SLC9A9: variants seen among roughly 807,000 people sequenced by gnomAD.
The protein encoded by SLC9A9 is sodium/hydrogen exchanger 9.
SLC9A9 carries 62 observed loss-of-function variants against 77.8 expected under a neutral mutation model. The ratio of observed to expected loss-of-function variants is 0.80; its 90% confidence interval spans 0.65 to 0.98. The LOEUF (loss-of-function observed/expected upper bound fraction) is 0.98, where lower values mean the gene tolerates loss of function less well. Among genes scored for constraint, SLC9A9 ranks in the 50% least tolerant of loss-of-function variants. The probability of loss-of-function intolerance (pLI) is 0.00; values close to 1 mark genes in which losing one functional copy is unlikely to be tolerated. For synonymous variants in SLC9A9, 320 were observed against 283.5 expected (o/e 1.13, Z -1.29); for missense variants, 775 against 774.9 (o/e 1.00, Z 0.00).
chr3:143,807,923 C>G lies in SLC9A9; in HGVS notation c.379-11020G>C, dbSNP rs146279251. Among the ~76,000 whole-genome samples, 655 of 152,206 alleles carry G rather than the reference C, an allele frequency of 4.3e-3. 8 individuals are homozygous for G. Among genetic ancestry groups the G allele is most frequent in the African/African-American group, 0.014 (565 of 41,500 alleles). On this transcript the variant is annotated intron_variant, in intron 2 of 15. Transcript: ENST00000316549. ...AAATGGAGAAGGTGCCGGTAGAGGGCTGGGCGGGGATGAGAGACCATCTCG... is the reference window on the plus strand; with the variant it reads ...AAATGGAGAAGGTGCCGGTAGAGGGGTGGGCGGGGATGAGAGACCATCTCG...
At chr3:143,672,935 A>G (rs1281664088) in intron 5 of SLC9A9, among the ~76,000 whole-genome samples, 1 of 152,134 alleles carries the variant, frequency 6.6e-6, no homozygotes, top group Non-Finnish European at 1.5e-5. Flanking sequence ...CTCACACATC[A>G]CCTGAGCAGC....
chr3:143,583,546 G>A (rs2037491627), intron 6 of SLC9A9, among the ~76,000 whole-genome samples: 2 of 152,188 alleles, frequency 1.3e-5, no homozygotes, highest in Non-Finnish European at 2.9e-5. Context: ...CTGGGTGTAA[G>A]TCTCAGCTTA....
chr3:143,552,077 T>A (rs2036898443), intron 9 of SLC9A9, among the ~76,000 whole-genome samples: 1 of 152,236 alleles, frequency 6.6e-6, no homozygotes, highest in South Asian at 2.1e-4. Context: ...TGTAAGTGAC[T>A]GTGAATTATT....
chr3:143,695,835 T>A (rs1478126597), intron 4 of SLC9A9, among the ~76,000 whole-genome samples: 2 of 152,192 alleles, frequency 1.3e-5, no homozygotes, highest in Non-Finnish European at 2.9e-5. Flanking sequence ...GACTTTTTAA[T>A]GATTGCCATT....
At chr3:143,783,447 G>A (rs1054511886) in intron 4 of SLC9A9, among the ~76,000 whole-genome samples, 2 of 152,062 alleles carry the variant, frequency 1.3e-5, no homozygotes, top group Non-Finnish European at 1.5e-5. Context: ...CCCCAGAGGC[G>A]TCTCCTGGCC....
At position 143,841,840 on chromosome 3, in the gene SLC9A9, G is replaced by A. The variant is rs560055831; in HGVS notation, c.175+6308C>T. On this transcript the variant is annotated intron_variant, in intron 1 of 15. Coordinates refer to ENST00000316549, the MANE Select transcript of SLC9A9 (RefSeq NM_173653.4). ...GCAATCTCGGCTCACTGCAACCTCC[G>A]CATCCTGAGTTCAAGCAATTCTCCT... Among the ~76,000 whole-genome samples the A allele has an allele frequency of 6.7e-5, 10 of 149,584 alleles. No homozygotes were observed. In the South Asian group the frequency reaches 1.7e-3, roughly 25 times the overall value.
At chr3:143,742,213 C>G (rs558528716) in intron 4 of SLC9A9, among the ~76,000 whole-genome samples, 2 of 152,098 alleles carry the variant, frequency 1.3e-5, no homozygotes, top group Admixed American at 1.3e-4. Context: ...GAAGACAGTT[C>G]GAACTCCCTA....
intron 4 of SLC9A9, among the ~76,000 whole-genome samples, chr3:143,771,325 C>A (rs1250408159): frequency 6.6e-6 from 1 of 152,120 alleles, no homozygotes; most frequent in African/African-American, 2.4e-5. Flanking sequence ...TGCAGTTATT[C>A]ATTGTGATAT....
chr3:143,716,369 T>G (rs1344309928), intron 4 of SLC9A9, among the ~76,000 whole-genome samples: 1 of 146,198 alleles, frequency 6.8e-6, no homozygotes, highest in Non-Finnish European at 1.5e-5. Context: ...CCACTGCACC[T>G]GGCTTTTTTT....
chr3:143,676,961 A>C (rs1237092617), intron 5 of SLC9A9, among the ~76,000 whole-genome samples: 2 of 152,082 alleles, frequency 1.3e-5, no homozygotes, highest in Admixed American at 1.3e-4. Flanking sequence ...GTAAAAAGAG[A>C]CTTCCCTAGA....
intron 12 of SLC9A9, among the ~76,000 whole-genome samples, chr3:143,421,358 A>T (rs917084712): frequency 6.6e-6 from 1 of 152,194 alleles, no homozygotes; most frequent in Non-Finnish European, 1.5e-5. Context: ...ATTGTCTCAC[A>T]TGAAACTATA....
At chr3:143,584,600 T>C (rs530649548) in intron 6 of SLC9A9, among the ~76,000 whole-genome samples, 1 of 152,198 alleles carries the variant, frequency 6.6e-6, no homozygotes, top group Non-Finnish European at 1.5e-5. Flanking sequence ...CTGCCAAATA[T>C]GTAATCCCTA....
intron 6 of SLC9A9, among the ~76,000 whole-genome samples, chr3:143,610,762 A>C (rs534838231): frequency 6.6e-6 from 1 of 152,258 alleles, no homozygotes; most frequent in South Asian, 2.1e-4. Context: ...CTATGAGAGA[A>C]ATTATCTGGA....
At chr3:143,813,820 T>TTTTACCTAG (rs1490667203) in intron 2 of SLC9A9, among the ~76,000 whole-genome samples, 1 of 152,220 alleles carries the variant, frequency 6.6e-6, no homozygotes. Flanking sequence ...TCAGGCCATG[T>TTTTACCTAG]GAATGTATTA....
Position 143,622,857 on chromosome 3 carries a change from T to G in SLC9A9, c.755+29398A>C, listed in dbSNP as rs562366322. Among the ~76,000 whole-genome samples the G allele has an allele frequency of 1.6e-3, 250 of 152,236 alleles. 6 individuals carry two copies. Among genetic ancestry groups the G allele is most frequent in the Middle Eastern group, 3.4e-3 (1 of 294 alleles). On this transcript the variant is annotated intron_variant, in intron 6 of 15. Transcript: ENST00000316549. The stretch of plus-strand genomic sequence containing the variant: ...AGTCAAGACCCATCAATGTGCTGTA[T>G]TCAGGAAACCCATCTCACATACAGA...
At chr3:143,590,957 G>A (rs547413591) in intron 6 of SLC9A9, among the ~76,000 whole-genome samples, 21 of 152,328 alleles carry the variant, frequency 1.4e-4, no homozygotes, top group African/African-American at 5.1e-4. Context: ...GTGATGAGTG[G>A]CTGAATAAAA....
chr3:143,677,913 GC>G (rs973058095), intron 5 of SLC9A9, among the ~76,000 whole-genome samples: 23 of 139,328 alleles, frequency 1.7e-4, no homozygotes, highest in African/African-American at 6.2e-4. Flanking sequence ...TGCAAGCTCT[GC>G]CCCCCTGGTT....
chr3:143,356,486 C>T (rs2032588368), intron 14 of SLC9A9, among the ~76,000 whole-genome samples: 1 of 152,128 alleles, frequency 6.6e-6, no homozygotes, highest in Admixed American at 6.5e-5. Flanking sequence ...CCAAAAGTCA[C>T]AAGAACACAG....
At chr3:143,847,979 C>T (rs937674982) in intron 1 of SLC9A9, 169 bp downstream of exon 1, 4 of 719,222 alleles carry the variant, frequency 5.6e-6, no homozygotes, top group Non-Finnish European at 6.9e-6. Flanking sequence ...ATTTCGGCGG[C>T]TTGTCTGTAA....
Sources: allele counts gnomAD v4.1 joint callset (sites outside exome capture counted in the v4.1 genomes callset), GRCh38; gene constraint gnomAD v4.1.1; transcripts MANE v1.5; gene names NCBI Gene and HGNC (gene_info 2026-07-23, HGNC 2026-07-21).